Variants in SULT1E1 observed in about 807,000 individuals in gnomAD.
SULT1E1 encodes sulfotransferase 1E1.
A neutral mutation model predicts 33.6 loss-of-function variants in SULT1E1; 36 were observed. The ratio of observed to expected loss-of-function variants is 1.07; its 90% confidence interval spans 0.82 to 1.41. The LOEUF is 1.41. Among genes scored for constraint, SULT1E1 ranks in the 40% most tolerant of loss-of-function variants. The pLI is 0.00. For missense variants in SULT1E1, 371 were observed against 345.7 expected (o/e 1.07, Z -0.58); for synonymous variants, 121 against 111.7 (o/e 1.08, Z -0.53).
downstream of SULT1E1, among the ~76,000 whole-genome samples, chr4:69,839,883 T>C (rs1308141319): frequency 6.6e-6 from 1 of 152,230 alleles, no homozygotes; most frequent in Non-Finnish European, 1.5e-5. Flanking sequence ...AAGATATAGT[T>C]GGTCCAAATT....
intron 6 of SULT1E1, among the ~76,000 whole-genome samples, chr4:69,846,933 T>C (rs1720989066): frequency 6.6e-6 from 1 of 151,806 alleles, no homozygotes; most frequent in South Asian, 2.1e-4. Flanking sequence ...TTTAGCATTC[T>C]CTTTACACTC....
At chr4:69,848,173 A>C (rs1721020378) in intron 5 of SULT1E1, among the ~76,000 whole-genome samples, 1 of 151,532 alleles carries the variant, frequency 6.6e-6, no homozygotes, top group Non-Finnish European at 1.5e-5. Flanking sequence ...GTGGTCTGAT[A>C]GTCATAAGAA....
At chr4:69,840,420 G>A (rs1423460466), downstream of SULT1E1, among the ~76,000 whole-genome samples, 1 of 152,050 alleles carries the variant, frequency 6.6e-6, no homozygotes, top group Non-Finnish European at 1.5e-5. Context: ...GTGAAAGGAA[G>A]CATTGACTAA....
At chr4:69,838,920 G>C (rs565903210), downstream of SULT1E1, among the ~76,000 whole-genome samples, 1 of 152,314 alleles carries the variant, frequency 6.6e-6, no homozygotes, top group African/African-American at 2.4e-5. Context: ...ACATAAGTAG[G>C]TGAAATTCTT....
downstream of SULT1E1, among the ~76,000 whole-genome samples, chr4:69,840,873 C>T (rs370662053): frequency 1.3e-5 from 2 of 152,038 alleles, no homozygotes; most frequent in African/African-American, 2.4e-5. Context: ...TGTGAAACCC[C>T]GTCTCTACTA....
the SULT1E1 span, among the ~76,000 whole-genome samples, chr4:69,835,740 C>T: frequency 1.2e-4 from 18 of 152,128 alleles, no homozygotes; most frequent in South Asian, 2.1e-4. Flanking sequence ...TTACCAAATA[C>T]GTATCCTTGG....
At chr4:69,853,395 T>A (rs11573762) in intron 4 of SULT1E1, among the ~76,000 whole-genome samples, 2 of 152,176 alleles carry the variant, frequency 1.3e-5, no homozygotes, top group Admixed American at 6.6e-5. Flanking sequence ...ACTTTCAATA[T>A]TTCTTATAAT....
chr4:69,856,033 C>CT (rs1401698695), intron 2 of SULT1E1, among the ~76,000 whole-genome samples: 2 of 152,150 alleles, frequency 1.3e-5, no homozygotes, highest in African/African-American at 2.4e-5. Flanking sequence ...CAAGAAATGC[C>CT]TTTGAGAGGA....
In SULT1E1 at chr4:69,857,652, C is replaced by T; in HGVS notation, c.-8G>A. On this transcript the variant is annotated splice_region_variant and 5_prime_UTR_variant, in exon 2 of 8. Coordinates refer to ENST00000226444, the MANE Select transcript of SULT1E1 (RefSeq NM_005420.3). ...GTCAAGTTCAGAATTCATTGTGGTACACTGAAAAAAAACCTCTGCTTTATA... is the reference window on the plus strand; with the variant it reads ...GTCAAGTTCAGAATTCATTGTGGTATACTGAAAAAAAACCTCTGCTTTATA... 3 of 1,580,240 alleles carry T rather than the reference C, an allele frequency of 1.9e-6. No homozygotes were observed. The highest frequency in any genetic ancestry group is 2.6e-6 in the Non-Finnish European group (3 of 1,169,522).
At chr4:69,855,561 T>C in intron 2 of SULT1E1, 135 bp from the exon 3 acceptor site, 1 of 702,728 alleles carries the variant, frequency 1.4e-6, no homozygotes, top group Non-Finnish European at 2.1e-6. Flanking sequence ...AGCCACAGAC[T>C]CAGGAAATAT....
At chr4:69,837,975 C>G (rs1022938592), downstream of SULT1E1, among the ~76,000 whole-genome samples, 1 of 152,044 alleles carries the variant, frequency 6.6e-6, no homozygotes, top group Admixed American at 6.6e-5. Flanking sequence ...TAGGACTATT[C>G]AGGTATTTTA....
chr4:69,824,092 A>G, the SULT1E1 span, among the ~76,000 whole-genome samples: 117,917 of 152,068 alleles, frequency 0.78, 46,674 homozygotes, highest in Non-Finnish European at 0.85. Context: ...CCTTGGTATT[A>G]AGTCATTCTC....
In SULT1E1 at chr4:69,854,312, C is replaced by A. The variant is rs1039261878; in HGVS notation, c.274G>T (p.Val92Leu). 2.5e-6 allele frequency: 4 copies of A among 1,598,984 alleles called. No individual in the cohort carries two copies. The highest frequency in any genetic ancestry group is 1.7e-5 in the Admixed American group (1 of 59,068). ...ECRKENLMNG[V>L]KQLDEMNSPR... ...GAATTCATCTCATCTAATTGTTTTA[C>A]TCCTGATTTTTAAAAAAGTAAAGGT... Residue 92 changes from valine (V) to leucine (L), a missense_variant and splice_region_variant, in exon 4 of 8, where the codon GTA (valine) becomes TTA (leucine). Physicochemically the swap from Val to Leu is conservative, Grantham distance 32. Coordinates refer to ENST00000226444, the MANE Select transcript of SULT1E1 (RefSeq NM_005420.3).
the SULT1E1 span, among the ~76,000 whole-genome samples, chr4:69,825,205 G>A: frequency 7.9e-5 from 12 of 151,956 alleles, no homozygotes; most frequent in African/African-American, 2.4e-4. Flanking sequence ...CACTCACTGC[G>A]CAGGTCTCTG....
chr4:69,832,730 G>T, the SULT1E1 span, among the ~76,000 whole-genome samples: 1 of 152,128 alleles, frequency 6.6e-6, no homozygotes, highest in Non-Finnish European at 1.5e-5. Flanking sequence ...GCTCAGGCAC[G>T]TCTGGTGACC....
At chr4:69,824,986 G>GT in the SULT1E1 span, among the ~76,000 whole-genome samples, 6 of 152,166 alleles carry the variant, frequency 3.9e-5, no homozygotes, top group East Asian at 9.6e-4. Flanking sequence ...TTTAAGAGCT[G>GT]TAATATTCAC....
chr4:69,827,565 C>T, the SULT1E1 span, among the ~76,000 whole-genome samples: 1 of 152,188 alleles, frequency 6.6e-6, no homozygotes, highest in Non-Finnish European at 1.5e-5. Flanking sequence ...TCCCCTGTCA[C>T]CTGACTCCTT....
chr4:69,821,189 TA>T, the SULT1E1 span, among the ~76,000 whole-genome samples: 2 of 152,336 alleles, frequency 1.3e-5, no homozygotes, highest in East Asian at 3.9e-4. Flanking sequence ...CACTGTTTTT[TA>T]ATAAATCCCA....
Position 69,844,229 on chromosome 4 carries a change from G to T in SULT1E1, c.704C>A (p.Pro235Gln), listed in dbSNP as rs754969833. The T allele has an allele frequency of 1.2e-6, 2 of 1,613,872 alleles. No individual in the cohort carries two copies. The highest frequency in any genetic ancestry group is 8.5e-7 in the Non-Finnish European group (1 of 1,179,860). Residue 235 changes from proline to glutamine, a missense_variant, in exon 7 of 8, where the codon CCA becomes CAA. Transcript: ENST00000226444. ...TGGCAGTGTTGTGTAATTTGTGGAT[G>T]GATTGTTCTTCATCTCTTGGAACGA... is the stretch of plus-strand genomic sequence containing the variant. ...HTSFQEMKNN[P>Q]STNYTTLPDE... is the part of the protein sequence containing the mutation.
Sources: gnomAD v4.1 joint callset for allele counts (sites outside exome capture counted in the v4.1 genomes callset) on GRCh38, gnomAD v4.1.1 for gene constraint, MANE v1.5 for transcripts, NCBI Gene and HGNC (gene_info 2026-07-23, HGNC 2026-07-21) for gene names.